LINGO2: variants seen among roughly 807,000 people sequenced by gnomAD.
LINGO2 encodes the protein leucine rich repeat and Ig domain containing 2.
In LINGO2, 14 loss-of-function variants were observed where a neutral mutation model predicts 30.6. The ratio of observed to expected loss-of-function variants is 0.46; its 90% CI spans 0.30 to 0.72. LINGO2 has a LOEUF of 0.72. Among genes scored for constraint, LINGO2 ranks in the 30% least tolerant of loss-of-function variants. The probability of loss-of-function intolerance (pLI) is 0.07; values close to 1 mark genes in which losing one functional copy is unlikely to be tolerated. For missense variants in LINGO2, 729 were observed against 751.7 expected (o/e 0.97, Z 0.35); for synonymous variants, 317 against 288.5 (o/e 1.10, Z -1.00).
intron 4 of LINGO2, among the ~76,000 whole-genome samples, chr9:28,214,466 C>G (rs1320214872): frequency 6.6e-6 from 1 of 151,564 alleles, no homozygotes; most frequent in Non-Finnish European, 1.5e-5. Flanking sequence ...ATTCCATTAT[C>G]TTTAGAGAAA....
the LINGO2 span, among the ~76,000 whole-genome samples, chr9:28,900,421 T>G: frequency 2.0e-5 from 3 of 152,160 alleles, no homozygotes; most frequent in Non-Finnish European, 4.4e-5. Flanking sequence ...GGACCCAGGC[T>G]TCAGTTCAGA....
intron 4 of LINGO2, among the ~76,000 whole-genome samples, chr9:28,222,689 G>A (rs754477788): frequency 1.3e-5 from 2 of 152,182 alleles, no homozygotes; most frequent in East Asian, 1.9e-4. Flanking sequence ...TTCCAAATGC[G>A]CACAAAACAC....
At chr9:28,470,762 T>C (rs1216031174) in intron 2 of LINGO2, among the ~76,000 whole-genome samples, 1 of 151,890 alleles carries the variant, frequency 6.6e-6, no homozygotes, top group Non-Finnish European at 1.5e-5. Context: ...AATTAGCTAA[T>C]GGAAAAGTCA....
the LINGO2 span, among the ~76,000 whole-genome samples, chr9:29,069,137 G>C: frequency 6.6e-6 from 1 of 151,848 alleles, no homozygotes; most frequent in Non-Finnish European, 1.5e-5. Context: ...GTCCTGTTAA[G>C]TGAGAAAACA....
intron 3 of LINGO2, among the ~76,000 whole-genome samples, chr9:28,354,112 C>T (rs1820049242): frequency 6.6e-6 from 1 of 151,926 alleles, no homozygotes. Context: ...TGTAACTAAC[C>T]TGCACAATGT....
At chr9:27,973,799 T>C (rs1324191570) in intron 5 of LINGO2, among the ~76,000 whole-genome samples, 1 of 152,206 alleles carries the variant, frequency 6.6e-6, no homozygotes, top group East Asian at 1.9e-4. Flanking sequence ...AAGGACATGA[T>C]GGTTCATTCA....
the LINGO2 span, among the ~76,000 whole-genome samples, chr9:28,871,650 T>A: frequency 3.3e-4 from 50 of 151,968 alleles, no homozygotes; most frequent in Admixed American, 3.3e-3. Flanking sequence ...TTCAAACCTC[T>A]GAGGTTTTTA....
chr9:28,385,447 A>T (rs982626457), intron 2 of LINGO2, among the ~76,000 whole-genome samples: 1 of 152,184 alleles, frequency 6.6e-6, no homozygotes, highest in African/African-American at 2.4e-5. Context: ...GGATTGCTGT[A>T]TTCAACTTCA....
the LINGO2 span, among the ~76,000 whole-genome samples, chr9:28,964,068 T>C: frequency 6.6e-6 from 1 of 151,846 alleles, no homozygotes; most frequent in Non-Finnish European, 1.5e-5. Context: ...TATATATGTG[T>C]ACACACATCC....
At chr9:29,054,501 T>G in the LINGO2 span, among the ~76,000 whole-genome samples, 13 of 152,192 alleles carry the variant, frequency 8.5e-5, no homozygotes, top group Non-Finnish European at 1.6e-4. Flanking sequence ...CCTACTTTCA[T>G]TTAGTACCTG....
At chr9:28,027,299 C>T (rs74535455) in intron 4 of LINGO2, among the ~76,000 whole-genome samples, 3,656 of 152,200 alleles carry the variant, frequency 0.024, 64 homozygotes, top group Non-Finnish European at 0.033. Context: ...AGTAACTTGT[C>T]CAAGATCTCG....
At chr9:28,212,417 C>A (rs1032826643) in intron 4 of LINGO2, among the ~76,000 whole-genome samples, 1 of 151,458 alleles carries the variant, frequency 6.6e-6, no homozygotes. Flanking sequence ...AGACTCTCAA[C>A]TGCTATCTGC....
rs537702707 is a variant in LINGO2 at position 28,003,875 on chromosome 9, C to A, written c.-36+8480G>T. On this transcript the variant is annotated intron_variant, in intron 5 of 5. Transcript: ENST00000379992. ...AGTGAGGATTTATTGCATATGAAAA[C>A]TAGTCATCTTGGTTGGGACCGAGTT... 5.3e-5 allele frequency among the ~76,000 whole-genome samples: 8 copies of A among 152,252 alleles called. No individual in the cohort carries two copies. The East Asian group carries it at 1.5e-3, about 29-fold the overall frequency.
chr9:29,052,186 A>C, the LINGO2 span, among the ~76,000 whole-genome samples: 1 of 152,176 alleles, frequency 6.6e-6, no homozygotes, highest in Non-Finnish European at 1.5e-5. Context: ...CCAATGAATA[A>C]AAGAACTGGG....
At position 28,596,397 on chromosome 9, in the gene LINGO2, C is replaced by CT. The variant is rs564471811; in HGVS notation, c.-365+73802dup. On this transcript the variant is annotated intron_variant, in intron 1 of 5. Transcript: ENST00000379992. ...TAACTGTAAATAAAATAAGTGTTCA[C>CT]TTTTTACCAAATCTTAGGCTAGTGT... is the stretch of plus-strand genomic sequence containing the variant. 7.2e-5 allele frequency among the ~76,000 whole-genome samples: 11 copies of CT among 152,198 alleles called. No homozygotes were observed. In the East Asian group the frequency reaches 2.1e-3, roughly 29 times the overall value.
chr9:28,756,703 A>G, the LINGO2 span, among the ~76,000 whole-genome samples: 1 of 151,830 alleles, frequency 6.6e-6, no homozygotes, highest in Non-Finnish European at 1.5e-5. Context: ...GTGAGTTCTC[A>G]TGGTTCTGAT....
At chr9:28,934,336 G>A in the LINGO2 span, among the ~76,000 whole-genome samples, 1 of 152,188 alleles carries the variant, frequency 6.6e-6, no homozygotes, top group Admixed American at 6.5e-5. Context: ...ATGAGCTAAT[G>A]AGTCTCTTAG....
the LINGO2 span, among the ~76,000 whole-genome samples, chr9:28,974,796 G>A: frequency 2.0e-5 from 3 of 151,894 alleles, no homozygotes; most frequent in African/African-American, 7.3e-5. Context: ...CCTTCTACTT[G>A]CAAAGTTCTT....
the LINGO2 span, among the ~76,000 whole-genome samples, chr9:28,876,686 T>C: frequency 1.3e-5 from 2 of 152,154 alleles, no homozygotes; most frequent in African/African-American, 2.4e-5. Context: ...GTCTTTGCTA[T>C]TGTGAATAGT....
Sources: gnomAD v4.1 joint callset for allele counts (sites outside exome capture counted in the v4.1 genomes callset) on GRCh38, gnomAD v4.1.1 for gene constraint, MANE v1.5 for transcripts, NCBI Gene and HGNC (gene_info 2026-07-23, HGNC 2026-07-21) for gene names.